Variants in RBFOX1 observed in about 807,000 individuals in gnomAD.
The protein encoded by RBFOX1 is RNA binding fox-1 homolog 1, also known as RNA binding protein fox-1 homolog 1.
RBFOX1 carries 8 observed loss-of-function variants against 57.7 expected under a neutral mutation model. That is an observed-to-expected ratio of 0.14 (90% confidence interval 0.08 to 0.25). The LOEUF (loss-of-function observed/expected upper bound fraction) is 0.25, where lower values mean the gene tolerates loss of function less well. RBFOX1 is among the 10% of genes least tolerant of loss of function. The pLI is 1.00. For synonymous variants in RBFOX1, 326 were observed against 222.4 expected, an observed-to-expected ratio of 1.47 and a Z score of -4.15; for missense variants, 611 against 548.5, an observed-to-expected ratio of 1.11 and a Z score of -1.14.
intron 14 of RBFOX1, among the ~76,000 whole-genome samples, chr16:7,691,365 T>C (rs1164830884): frequency 2.1e-5 from 3 of 144,384 alleles, no homozygotes; most frequent in Non-Finnish European, 4.5e-5. Flanking sequence ...TACACATAGG[T>C]TTTCAAAAAA....
Position 5,793,222 on chromosome 16 carries a change from C to G in RBFOX1, c.319-74081C>G, listed in dbSNP as rs139002683. On this transcript the variant is annotated intron_variant, in intron 3 of 19. Coordinates refer to the RBFOX1 transcript ENST00000641259. ...GCTTAGAGAGGCCAGGAGCCCAGCC[C>G]TGCTGTGCTGACCGGCTCCTTTTGC... Among the ~76,000 whole-genome samples, 116 of 152,370 alleles carry G rather than the reference C, an allele frequency of 7.6e-4. 1 individual carries two copies. Among genetic ancestry groups the G allele is most frequent in the African/African-American group, 2.7e-3 (113 of 41,594 alleles).
chr16:7,709,095 A>G lies in RBFOX1; in HGVS notation c.1035A>G (p.Ala345=). The change falls in exon 15 of 16, where the codon GCA becomes GCG. Residue 345 remains alanine, a synonymous_variant. Transcript: ENST00000550418. ...ATGCTGCCGACCCCTACCACCACGC[A>G]CTTGCTCCAGCCCCCACCTACGGCG... is the stretch of plus-strand genomic sequence containing the variant. The part of the protein sequence containing the change: ...RVYAADPYHH[A]LAPAPTYGVG... The G allele has an allele frequency of 6.2e-7, 1 of 1,613,862 alleles. No individual in the cohort carries two copies. Among genetic ancestry groups the G allele is most frequent in the Non-Finnish European group, 8.5e-7 (1 of 1,179,870 alleles).
chr16:5,287,533 C>T (rs947734920), intron 1 of RBFOX1, among the ~76,000 whole-genome samples: 12 of 152,172 alleles, frequency 7.9e-5, no homozygotes, highest in African/African-American at 2.7e-4. Context: ...CATAACAAGT[C>T]ACTCCAAATC....
At chr16:6,274,828 A>T (rs2075618528) in intron 1 of RBFOX1, among the ~76,000 whole-genome samples, 1 of 152,232 alleles carries the variant, frequency 6.6e-6, no homozygotes, top group Non-Finnish European at 1.5e-5. Context: ...GAATGAGCAG[A>T]AGGAGGACAG....
chr16:5,895,763 G>T (rs2152162399), intron 4 of RBFOX1, among the ~76,000 whole-genome samples: 1 of 152,308 alleles, frequency 6.6e-6, no homozygotes, highest in Middle Eastern at 3.4e-3. Flanking sequence ...TCATGCGTCA[G>T]TCACCTATGA....
chr16:6,422,656 C>T (rs1017639740), intron 2 of RBFOX1, among the ~76,000 whole-genome samples: 1 of 152,054 alleles, frequency 6.6e-6, no homozygotes, highest in Non-Finnish European at 1.5e-5. Context: ...GGAGCAGGAG[C>T]AAAAGAGAAC....
intron 3 of RBFOX1, among the ~76,000 whole-genome samples, chr16:6,667,112 G>T (rs2098737872): frequency 6.6e-6 from 1 of 152,122 alleles, no homozygotes; most frequent in Non-Finnish European, 1.5e-5. Flanking sequence ...GGTGGTGGTG[G>T]GTTGGGGGAG....
chr16:7,060,388 C>A (rs545959686), intron 4 of RBFOX1, among the ~76,000 whole-genome samples: 1 of 152,168 alleles, frequency 6.6e-6, no homozygotes, highest in African/African-American at 2.4e-5. Context: ...AAAGAAAAGG[C>A]CTTAGACTCA....
intron 4 of RBFOX1, among the ~76,000 whole-genome samples, chr16:7,402,753 C>A (rs1271789412): frequency 5.9e-5 from 9 of 152,066 alleles, no homozygotes; most frequent in Middle Eastern, 3.2e-3. Flanking sequence ...AAGGGTGCCC[C>A]CCTCCTTAAT....
chr16:5,950,866 G>C (rs1480563938), intron 4 of RBFOX1, among the ~76,000 whole-genome samples: 1 of 152,084 alleles, frequency 6.6e-6, no homozygotes, highest in East Asian at 1.9e-4. Context: ...CAGGAGAGAG[G>C]GAGCTAGGGG....
At chr16:7,363,228 G>A (rs1168716723) in intron 4 of RBFOX1, among the ~76,000 whole-genome samples, 1 of 152,154 alleles carries the variant, frequency 6.6e-6, no homozygotes, top group Non-Finnish European at 1.5e-5. Context: ...TGGGGTCTGG[G>A]TTCTTTGTCT....
At chr16:7,293,047 C>T (rs543718238) in intron 4 of RBFOX1, among the ~76,000 whole-genome samples, 1 of 152,140 alleles carries the variant, frequency 6.6e-6, no homozygotes, top group Non-Finnish European at 1.5e-5. Context: ...ACAGTTTAAT[C>T]AAAGTCGAGG....
At chr16:6,153,687 C>T (rs930048611) in intron 1 of RBFOX1, among the ~76,000 whole-genome samples, 10 of 152,112 alleles carry the variant, frequency 6.6e-5, no homozygotes, top group African/African-American at 2.4e-4. Context: ...AGGTGCCCAC[C>T]ACCATGCCTG....
intron 1 of RBFOX1, among the ~76,000 whole-genome samples, chr16:6,264,303 C>A (rs1466633714): frequency 1.3e-5 from 2 of 152,178 alleles, no homozygotes; most frequent in East Asian, 3.9e-4. Context: ...TGCCATATCC[C>A]TGCATGAACT....
At chr16:7,375,903 T>A (rs2097677505) in intron 4 of RBFOX1, among the ~76,000 whole-genome samples, 3 of 152,198 alleles carry the variant, frequency 2.0e-5, no homozygotes. Context: ...AGGGAAGACC[T>A]TGTGCCCACG....
intron 3 of RBFOX1, chr16:5,867,176 T>TG (rs1379260379): frequency 2.5e-6 from 1 of 405,970 alleles, no homozygotes; most frequent in Non-Finnish European, 4.1e-6. Flanking sequence ...GTGTGTGTGG[T>TG]GTGTGTTGCA....
chr16:5,546,791 C>T (rs1228371653), intron 2 of RBFOX1, among the ~76,000 whole-genome samples: 2 of 152,100 alleles, frequency 1.3e-5, no homozygotes, highest in African/African-American at 4.8e-5. Flanking sequence ...ATTAAAAACT[C>T]TACTTTGAAA....
chr16:6,822,913 G>T (rs576051692), intron 3 of RBFOX1, among the ~76,000 whole-genome samples: 1 of 152,316 alleles, frequency 6.6e-6, no homozygotes, highest in South Asian at 2.1e-4. Flanking sequence ...ACAAGTGCGT[G>T]CTGCTGCAGC....
At chr16:7,416,008 C>T (rs148403270) in intron 4 of RBFOX1, among the ~76,000 whole-genome samples, 149 of 152,284 alleles carry the variant, frequency 9.8e-4, no homozygotes, top group Admixed American at 2.9e-3. Context: ...TTCATCTTTG[C>T]AGAGATGATC....
Sources: allele counts gnomAD v4.1 joint callset (sites outside exome capture counted in the v4.1 genomes callset), GRCh38; gene constraint gnomAD v4.1.1; transcripts MANE v1.5; gene names NCBI Gene and HGNC (gene_info 2026-07-23, HGNC 2026-07-21).